The following DCC variants were observed in gnomAD, a reference collection of about 807,000 sequenced individuals.
DCC encodes netrin receptor DCC.
A neutral mutation model predicts 172.5 loss-of-function variants in DCC; 58 were observed. That is an observed-to-expected ratio of 0.34 (90% confidence interval 0.27 to 0.42). DCC has a LOEUF of 0.42. Among genes scored for constraint, DCC ranks in the 10% least tolerant of loss-of-function variants. DCC has a pLI of 1.00. For synonymous variants in DCC, 709 were observed against 644.5 expected (o/e 1.10, Z -1.52); for missense variants, 1,740 against 1,791.0 (o/e 0.97, Z 0.51).
At chr18:52,816,683 A>C (rs775199743) in intron 2 of DCC, 8 of 152,178 alleles carry the variant, frequency 5.3e-5, no homozygotes, top group Non-Finnish European at 1.0e-4. Flanking sequence ...ATGGCAGTTT[A>C]TAACTCAAAG....
chr18:52,653,294 A>G (rs937314643), intron 1 of DCC, among the ~76,000 whole-genome samples: 1 of 152,230 alleles, frequency 6.6e-6, no homozygotes, highest in African/African-American at 2.4e-5. Flanking sequence ...AGTTTTAAAG[A>G]TTAGAAATAA....
chr18:52,404,963 T>C (rs1305224725), intron 1 of DCC, among the ~76,000 whole-genome samples: 1 of 151,926 alleles, frequency 6.6e-6, no homozygotes, highest in Non-Finnish European at 1.5e-5. Flanking sequence ...ATTTCCAATT[T>C]CATCCATGTC....
intron 1 of DCC, among the ~76,000 whole-genome samples, chr18:52,630,183 A>G (rs889400885): frequency 6.6e-6 from 1 of 152,130 alleles, no homozygotes; most frequent in African/African-American, 2.4e-5. Context: ...CTATCCAAAT[A>G]TACCTTTAGA....
At chr18:53,415,884 A>C (rs1910285843) in intron 20 of DCC, among the ~76,000 whole-genome samples, 1 of 152,106 alleles carries the variant, frequency 6.6e-6, no homozygotes, top group Non-Finnish European at 1.5e-5. Context: ...TTAGAGGGAT[A>C]TGAAAAGTAA....
chr18:53,369,337 A>C (rs1328023124), intron 15 of DCC, among the ~76,000 whole-genome samples: 1 of 151,922 alleles, frequency 6.6e-6, no homozygotes, highest in Non-Finnish European at 1.5e-5. Context: ...GTGTTTCTGT[A>C]GAATCTTTAC....
intron 2 of DCC, among the ~76,000 whole-genome samples, chr18:52,899,179 T>A (rs1203812534): frequency 1.3e-5 from 2 of 152,032 alleles, no homozygotes; most frequent in Non-Finnish European, 2.9e-5. Context: ...AGACAGGATC[T>A]CTCTCTGCCA....
chr18:52,478,200 A>AT (rs1437038703), intron 1 of DCC, among the ~76,000 whole-genome samples: 4 of 151,510 alleles, frequency 2.6e-5, no homozygotes, highest in East Asian at 1.9e-4. Flanking sequence ...ATTTCTCTTG[A>AT]TTTTTTATGT....
chr18:53,213,672 A>G (rs1011812292), intron 11 of DCC, among the ~76,000 whole-genome samples: 8 of 150,582 alleles, frequency 5.3e-5, no homozygotes, highest in African/African-American at 1.9e-4. Context: ...AAAAAAAAAA[A>G]AAGAAGTGAC....
At chr18:52,859,408 A>AG (rs1465617329) in intron 2 of DCC, among the ~76,000 whole-genome samples, 1 of 152,210 alleles carries the variant, frequency 6.6e-6, no homozygotes, top group African/African-American at 2.4e-5. Context: ...AGGACCACAG[A>AG]GGGATTGCTT....
rs868842177 is a variant in DCC, at chr18:53,177,101, T to G, written c.1419-1861T>G. Among the ~76,000 whole-genome samples, 853 of 151,588 alleles carry G rather than the reference T, an allele frequency of 5.6e-3. 6 individuals are homozygous for G. Among genetic ancestry groups the G allele is most frequent in the Admixed American group, 0.023 (347 of 15,176 alleles). On this transcript the variant is annotated intron_variant, in intron 8 of 28. Coordinates refer to ENST00000442544, the MANE Select transcript of DCC (RefSeq NM_005215.4). ...AGAACAAAAAACCAAACACCGCATA[T>G]TCTCACTCATAGGTGGGAATTGAAC... is the stretch of plus-strand genomic sequence containing the variant.
chr18:52,439,819 C>T (rs527843349), intron 1 of DCC, among the ~76,000 whole-genome samples: 233 of 152,096 alleles, frequency 1.5e-3, no homozygotes, highest in Non-Finnish European at 2.6e-3. Flanking sequence ...TACCATAATG[C>T]GAGTATTACG....
In DCC at chr18:53,111,439, A is replaced by G. The variant is rs572788360; in HGVS notation, c.1261+45273A>G. 1.5e-3 allele frequency among the ~76,000 whole-genome samples: 230 copies of G among 149,530 alleles called. 2 individuals are homozygous for G. The highest frequency in any genetic ancestry group is 5.0e-3 in the African/African-American group (203 of 40,866). ...ATAAAAAAAGACAAAAAAAAGAAAG[A>G]AAGATTAAAAAAAAAAAAGAGAGAC... On this transcript the variant is annotated intron_variant, in intron 7 of 28. Coordinates refer to ENST00000442544, the MANE Select transcript of DCC (RefSeq NM_005215.4).
intron 24 of DCC, among the ~76,000 whole-genome samples, chr18:53,466,251 G>A (rs573854415): frequency 2.0e-5 from 3 of 152,092 alleles, no homozygotes; most frequent in Admixed American, 2.0e-4. Flanking sequence ...ACTTTTAAAT[G>A]CTCTGGTCTC....
intron 1 of DCC, among the ~76,000 whole-genome samples, chr18:52,671,759 C>T: frequency 6.6e-6 from 1 of 151,998 alleles, no homozygotes; most frequent in Admixed American, 6.6e-5. Context: ...TGGTCTCGAA[C>T]TCCTGACCTC....
At chr18:53,518,638 G>A (rs1194020518) in intron 27 of DCC, among the ~76,000 whole-genome samples, 1 of 152,068 alleles carries the variant, frequency 6.6e-6, no homozygotes, top group Non-Finnish European at 1.5e-5. Flanking sequence ...TCCTCTTAGT[G>A]GGTCCTGCTG....
At chr18:52,883,729 AGT>A (rs1323705542) in intron 2 of DCC, among the ~76,000 whole-genome samples, 3 of 2,746 alleles carry the variant, frequency 1.1e-3, no homozygotes, top group African/African-American at 1.6e-3. Flanking sequence ...ACTTAAGAGT[AGT>A]AGTTTATAGA....
At position 53,534,127 on chromosome 18, in the gene DCC, A is replaced by G. The variant is rs542339166; in HGVS notation, c.*3474A>G. On this transcript the variant is annotated 3_prime_UTR_variant, in exon 29 of 29. Transcript: ENST00000442544. ...TCTTATGGTTGTCCCCAAATGTAAT[A>G]TGGTATCTCAGATATAGCAGCTGGA... 3.3e-5 allele frequency: 5 copies of G among 152,324 alleles called. No individual in the cohort carries two copies. Among genetic ancestry groups the G allele is most frequent in the African/African-American group, 1.2e-4 (5 of 41,578 alleles). 9.4% of individuals were successfully genotyped at this position (152,324 alleles called of 1,614,324 possible).
chr18:52,604,929 A>AG (rs1336246219), intron 1 of DCC, among the ~76,000 whole-genome samples: 1 of 152,110 alleles, frequency 6.6e-6, no homozygotes, highest in Admixed American at 6.6e-5. Context: ...ATTAGCTCAA[A>AG]GGGGGCTCTT....
chr18:52,352,308 C>T (rs1984159844), intron 1 of DCC, among the ~76,000 whole-genome samples: 1 of 152,082 alleles, frequency 6.6e-6, no homozygotes, highest in South Asian at 2.1e-4. Context: ...GAACCTGCCT[C>T]AATTTTATTG....
Sources: gnomAD v4.1 joint callset for allele counts (sites outside exome capture counted in the v4.1 genomes callset) on GRCh38, gnomAD v4.1.1 for gene constraint, MANE v1.5 for transcripts, NCBI Gene and HGNC (gene_info 2026-07-23, HGNC 2026-07-21) for gene names.